The following GALNT17 variants were observed in gnomAD, a reference collection of about 807,000 sequenced individuals.
The protein encoded by GALNT17 is UDP-GalNAc:polypeptide N-acetylgalactosaminyltransferase-like 3.
A neutral mutation model predicts 63.7 loss-of-function variants in GALNT17; 29 were observed. The observed-to-expected ratio is 0.46, with a 90% CI of 0.34 to 0.62. The LOEUF (loss-of-function observed/expected upper bound fraction) is 0.62, where lower values mean the gene tolerates loss of function less well. GALNT17 is among the 20% of genes least tolerant of loss of function. The pLI is 0.01. For synonymous variants in GALNT17, 305 were observed against 318.3 expected (o/e 0.96, Z 0.45); for missense variants, 603 against 799.6 (o/e 0.75, Z 2.97).
At chr7:71,273,110 A>G (rs775217032) in intron 1 of GALNT17, among the ~76,000 whole-genome samples, 10 of 152,118 alleles carry the variant, frequency 6.6e-5, no homozygotes, top group Non-Finnish European at 1.0e-4. Context: ...ACAATTTTAT[A>G]TGCATATAAT....
At position 71,712,805 on chromosome 7, in the gene GALNT17, C is replaced by T. The variant is rs553598212; in HGVS notation, c.*659C>T. On this transcript the variant is annotated 3_prime_UTR_variant, in exon 11 of 11. Coordinates refer to ENST00000333538, the MANE Select transcript of GALNT17 (RefSeq NM_022479.3). ...TCTCCTAATCCCTGGGCACTAGGCT[C>T]TTATCAGTGTGCTTGGGCCAGCTCT... The T allele has an allele frequency of 1.3e-5, 2 of 152,708 alleles. No homozygotes were observed. The highest frequency in any genetic ancestry group is 4.1e-4 in the South Asian group (2 of 4,826). The allele number at this position is 152,708 out of a possible 1,614,324, so 9.5% of individuals were successfully genotyped here. A position where few individuals can be genotyped will look rare whatever the true frequency, so the allele number is the denominator to read the frequency against.
intron 5 of GALNT17, among the ~76,000 whole-genome samples, chr7:71,444,027 T>C (rs1240607091): frequency 6.6e-6 from 1 of 152,180 alleles, no homozygotes; most frequent in East Asian, 1.9e-4. Flanking sequence ...CCGCTCGGCC[T>C]GAATTGTTCC....
intron 6 of GALNT17, among the ~76,000 whole-genome samples, chr7:71,645,509 C>T (rs1231284599): frequency 6.6e-6 from 1 of 152,156 alleles, no homozygotes; most frequent in Non-Finnish European, 1.5e-5. Flanking sequence ...CTGAGGCTTC[C>T]CCAGCCATGC....
At chr7:71,171,790 T>TA (rs1788551870) in intron 1 of GALNT17, among the ~76,000 whole-genome samples, 1 of 152,328 alleles carries the variant, frequency 6.6e-6, no homozygotes, top group African/African-American at 2.4e-5. Context: ...GGTGATAGCT[T>TA]TTCTTTAACT....
intron 3 of GALNT17, among the ~76,000 whole-genome samples, chr7:71,391,196 G>A (rs1793043441): frequency 6.6e-6 from 1 of 152,148 alleles, no homozygotes; most frequent in Non-Finnish European, 1.5e-5. Context: ...AAAGACTGGA[G>A]GTGGCCCGGG....
At chr7:71,702,947 C>T (rs551958217) in intron 9 of GALNT17, among the ~76,000 whole-genome samples, 42 of 152,218 alleles carry the variant, frequency 2.8e-4, no homozygotes, top group African/African-American at 8.2e-4. Flanking sequence ...TCAGTTGGGT[C>T]ATCTAAATTT....
intron 1 of GALNT17, among the ~76,000 whole-genome samples, chr7:71,247,373 A>G (rs1193492901): frequency 6.6e-6 from 1 of 152,164 alleles, no homozygotes; most frequent in African/African-American, 2.4e-5. Context: ...TGAACGATGC[A>G]GGGGTTAGAG....
intron 1 of GALNT17, among the ~76,000 whole-genome samples, chr7:71,259,569 G>C (rs1189671798): frequency 1.3e-5 from 2 of 151,938 alleles, no homozygotes; most frequent in African/African-American, 4.8e-5. Flanking sequence ...ATTAAGAGAG[G>C]GGACATAAGC....
chr7:71,444,406 C>G (rs1787122262), intron 5 of GALNT17, among the ~76,000 whole-genome samples: 1 of 152,176 alleles, frequency 6.6e-6, no homozygotes, highest in African/African-American at 2.4e-5. Flanking sequence ...CCACACTAAA[C>G]CATCAGGTTC....
At chr7:71,496,782 G>T (rs752680721) in intron 5 of GALNT17, among the ~76,000 whole-genome samples, 3 of 152,126 alleles carry the variant, frequency 2.0e-5, no homozygotes, top group Admixed American at 2.0e-4. Context: ...CGGATGGGGT[G>T]GGGTGGGGAG....
Position 71,571,327 on chromosome 7 carries a change from G to T in GALNT17, c.1005G>T (p.Lys335Asn). 6.2e-7 allele frequency: 1 copy of T among 1,614,144 alleles called. No homozygotes were observed. The highest frequency in any genetic ancestry group is 1.7e-5 in the Admixed American group (1 of 60,026). Reference protein sequence around the residue: ...MIGCSFVVNRKFFGEIGLLDP... With the variant: ...MIGCSFVVNRNFFGEIGLLDP... Reference sequence around the variant, plus strand: ...GCTGCTCGTTCGTGGTCAACAGGAAGTTCTTCGGTGAAATTGGTCTTCTGG... The same window carrying T: ...GCTGCTCGTTCGTGGTCAACAGGAATTTCTTCGGTGAAATTGGTCTTCTGG... Residue 335 changes from lysine to asparagine, a missense_variant, in exon 6 of 11, where the codon AAG (lysine) becomes AAT (asparagine). This residue lies in a region of GALNT17 where 336 missense variants were observed against 507.8 expected (regional missense o/e 0.66). Transcript: ENST00000333538.
intron 5 of GALNT17, among the ~76,000 whole-genome samples, chr7:71,513,694 A>AT (rs34808889): frequency 0.037 from 5,434 of 147,004 alleles, 170 homozygotes; most frequent in African/African-American, 0.076. Flanking sequence ...CCCCTTGGCT[A>AT]TTTTTTTTTT....
chr7:71,169,896 G>A (rs1224531786), intron 1 of GALNT17, among the ~76,000 whole-genome samples: 1 of 151,926 alleles, frequency 6.6e-6, no homozygotes, highest in Non-Finnish European at 1.5e-5. Context: ...TACACTTTTT[G>A]TATGTGAGTG....
intron 1 of GALNT17, among the ~76,000 whole-genome samples, chr7:71,185,189 G>T (rs1397097988): frequency 8.2e-6 from 1 of 122,650 alleles, no homozygotes; most frequent in Admixed American, 1.1e-4. Flanking sequence ...TCCTCTCTCT[G>T]TCTCTCTCTG....
chr7:71,451,252 G>A (rs911464593), intron 5 of GALNT17, among the ~76,000 whole-genome samples: 3 of 152,154 alleles, frequency 2.0e-5, no homozygotes, highest in Non-Finnish European at 4.4e-5. Flanking sequence ...AAAATTGACA[G>A]AATTTACCTA....
intron 1 of GALNT17, among the ~76,000 whole-genome samples, chr7:71,151,669 T>A (rs1788137476): frequency 6.6e-6 from 1 of 151,176 alleles, no homozygotes; most frequent in East Asian, 1.9e-4. Context: ...TGTTTCTCAG[T>A]GTTACTAGTA....
At chr7:71,408,973 T>G (rs1017785447) in intron 3 of GALNT17, among the ~76,000 whole-genome samples, 4 of 151,110 alleles carry the variant, frequency 2.6e-5, no homozygotes, top group Non-Finnish European at 5.9e-5. Context: ...TACATGTGTA[T>G]ATATACATAT....
At chr7:71,421,967 A>AT (rs1786674407) in intron 5 of GALNT17, among the ~76,000 whole-genome samples, 1 of 151,680 alleles carries the variant, frequency 6.6e-6, no homozygotes, top group Non-Finnish European at 1.5e-5. Context: ...AAAAAAAAAA[A>AT]GCAAGGAGGT....
chr7:71,461,609 G>A (rs1787451605), intron 5 of GALNT17, among the ~76,000 whole-genome samples: 1 of 152,170 alleles, frequency 6.6e-6, no homozygotes, highest in African/African-American at 2.4e-5. Flanking sequence ...TTACTCAGTA[G>A]GGTGTAAACA....
Sources: allele counts gnomAD v4.1 joint callset (sites outside exome capture counted in the v4.1 genomes callset), GRCh38; gene constraint gnomAD v4.1.1; regional missense constraint gnomAD v4.1.1; transcripts MANE v1.5; gene names NCBI Gene and HGNC (gene_info 2026-07-23, HGNC 2026-07-21).